The following ANKS1B variants were observed in gnomAD, a reference collection of about 807,000 sequenced individuals.
ANKS1B encodes ankyrin repeat and sterile alpha motif domain-containing protein 1B.
A neutral mutation model predicts 148.3 loss-of-function variants in ANKS1B; 36 were observed. The ratio of observed to expected loss-of-function variants is 0.24; its 90% CI spans 0.19 to 0.32. The LOEUF (loss-of-function observed/expected upper bound fraction) is 0.32, where lower values mean the gene tolerates loss of function less well. ANKS1B is among the 10% of genes least tolerant of loss of function. The pLI is 1.00. For synonymous variants in ANKS1B, 542 were observed against 560.8 expected (o/e 0.97, Z 0.47); for missense variants, 1,157 against 1,542.6 (o/e 0.75, Z 4.19).
intron 1 of ANKS1B, among the ~76,000 whole-genome samples, chr12:99,850,511 T>A (rs1313745293): frequency 1.3e-5 from 2 of 152,064 alleles, no homozygotes; most frequent in Non-Finnish European, 2.9e-5. Flanking sequence ...AAATTCTCTA[T>A]CTTCTAAACC....
chr12:99,952,942 GGTCTATAGACACTCTCTCCATT>G (rs1458075166), intron 1 of ANKS1B, among the ~76,000 whole-genome samples: 1 of 152,048 alleles, frequency 6.6e-6, no homozygotes, highest in Non-Finnish European at 1.5e-5. Flanking sequence ...GAGTTTACAT[GGTCTATAGACACTCTCTCCATT>G]TGCTTTTGGA....
At chr12:99,099,938 T>G (rs1444489240) in intron 15 of ANKS1B, 1 of 152,170 alleles carries the variant, frequency 6.6e-6, no homozygotes, top group Non-Finnish European at 1.5e-5. Flanking sequence ...TGGACTGAGC[T>G]CCACAGATTA....
intron 12 of ANKS1B, among the ~76,000 whole-genome samples, chr12:99,252,748 T>C (rs2074772705): frequency 6.6e-6 from 1 of 152,220 alleles, no homozygotes; most frequent in Non-Finnish European, 1.5e-5. Flanking sequence ...GCAGAACTTG[T>C]ACACATCTTG....
At position 99,523,580 on chromosome 12, in the gene ANKS1B, G is replaced by T. The variant is rs1295228905; in HGVS notation, c.1273-18939C>A. ...TTTTTTTTTTTTTTTTTGAGACGGA[G>T]TCTCACTCTGTTGCCCAGGCTGGAG... On this transcript the variant is annotated intron_variant, in intron 9 of 26. Transcript: ENST00000683438. Among the ~76,000 whole-genome samples the T allele has an allele frequency of 5.0e-5, 7 of 140,798 alleles. No individual in the cohort carries two copies. In the Admixed American group the frequency reaches 5.1e-4, roughly 10 times the overall value. 92.4% of individuals were successfully genotyped at this position (140,798 alleles called of 152,430 possible).
In ANKS1B at chr12:98,744,894, A is replaced by G. The variant is rs2097848833; in HGVS notation, c.*845T>C. 6.1e-6 allele frequency: 6 copies of G among 985,578 alleles called. No individual in the cohort carries two copies. The South Asian group carries it at 2.8e-4, about 46-fold the overall frequency. 61.1% of individuals were successfully genotyped at this position (985,578 alleles called of 1,614,324 possible). A position where few individuals can be genotyped will look rare whatever the true frequency, so the allele number is the denominator to read the frequency against. ...TCAGCACTTCCGGGCCTCCTGCTCT[A>G]GGGAGCATCACCAGTATTTTGCCAC... On this transcript the variant is annotated 3_prime_UTR_variant, in exon 27 of 27. Transcript: ENST00000683438.
intron 17 of ANKS1B, among the ~76,000 whole-genome samples, chr12:98,962,676 A>T (rs933843024): frequency 1.3e-5 from 2 of 152,176 alleles, no homozygotes; most frequent in African/African-American, 4.8e-5. Flanking sequence ...ATTCTCAAGG[A>T]TAGACTGTAT....
At chr12:99,379,135 G>A (rs2093530844) in intron 12 of ANKS1B, among the ~76,000 whole-genome samples, 1 of 152,184 alleles carries the variant, frequency 6.6e-6, no homozygotes, top group African/African-American at 2.4e-5. Flanking sequence ...TAAAAGGTTT[G>A]CTTCTCGAGG....
intron 15 of ANKS1B, among the ~76,000 whole-genome samples, chr12:99,146,142 T>C (rs190045485): frequency 1.3e-5 from 2 of 152,246 alleles, no homozygotes; most frequent in East Asian, 3.9e-4. Context: ...ATTTGATCAA[T>C]ATTTATTAAG....
chr12:99,706,116 CAT>C (rs1046091753), intron 8 of ANKS1B, among the ~76,000 whole-genome samples: 8 of 151,896 alleles, frequency 5.3e-5, no homozygotes, highest in African/African-American at 1.9e-4. Flanking sequence ...TCATGGAAAA[CAT>C]GTGTGTGCTT....
intron 14 of ANKS1B, among the ~76,000 whole-genome samples, chr12:99,230,476 T>C (rs556565537): frequency 1.3e-5 from 2 of 152,044 alleles, no homozygotes; most frequent in Non-Finnish European, 2.9e-5. Flanking sequence ...AACTGTACCA[T>C]TTTTAAACCA....
intron 12 of ANKS1B, among the ~76,000 whole-genome samples, chr12:99,304,885 T>C (rs2082143248): frequency 6.6e-6 from 1 of 152,124 alleles, no homozygotes; most frequent in Non-Finnish European, 1.5e-5. Flanking sequence ...TAAAAAAAGG[T>C]TAATGTATCC....
intron 17 of ANKS1B, among the ~76,000 whole-genome samples, chr12:98,945,524 A>C (rs2099844061): frequency 4.0e-5 from 6 of 150,910 alleles, no homozygotes; most frequent in Non-Finnish European, 7.4e-5. Context: ...AAAAAAAAAA[A>C]AAAAAAAAAA....
chr12:99,229,682 C>T (rs2086517289), intron 14 of ANKS1B, among the ~76,000 whole-genome samples: 1 of 151,932 alleles, frequency 6.6e-6, no homozygotes, highest in South Asian at 2.1e-4. Context: ...TTATGATGAT[C>T]TATGACTTAT....
intron 12 of ANKS1B, among the ~76,000 whole-genome samples, chr12:99,323,203 G>A (rs1280631671): frequency 6.6e-6 from 1 of 152,156 alleles, no homozygotes; most frequent in Non-Finnish European, 1.5e-5. Context: ...TTGTGTATCT[G>A]TTCTATTATG....
rs539038944 is a variant in ANKS1B at position 99,644,847 on chromosome 12, G to GT, written c.1272+10219dup. On this transcript the variant is annotated intron_variant, in intron 9 of 26. Transcript: ENST00000683438. ...GGCTCACAGGGAGAATCCACTTCCT[G>GT]TTTTTTCAGCTTCCAGAGGCCTCTT... Among the ~76,000 whole-genome samples the GT allele has an allele frequency of 3.0e-3, 450 of 152,276 alleles. 3 individuals are homozygous for GT. The highest frequency in any genetic ancestry group is 0.01 in the African/African-American group (421 of 41,558).
In ANKS1B at chr12:99,246,553, T is replaced by C. The variant is rs770387047; in HGVS notation, c.2068A>G (p.Arg690Gly). 13 of 1,613,944 alleles carry C rather than the reference T, an allele frequency of 8.1e-6. No individual in the cohort carries two copies. The Admixed American group carries it at 2.2e-4, about 27-fold the overall frequency. The part of the protein sequence containing the change: ...QLENHTIVGT[R>G]STRSGSRNGD... ...TTCCGAGATCCACTCCTGGTTGATC[T>C]TGTGCCAACAATGGTATGGTTTTCG... The change falls in exon 13 of 27, where the codon AGA becomes GGA. Residue 690 changes from arginine to glycine, a missense_variant. Physicochemically the swap from Arg to Gly is moderately radical, Grantham distance 125 (BLOSUM62 -2). Transcript: ENST00000683438.
intron 15 of ANKS1B, among the ~76,000 whole-genome samples, chr12:99,145,735 C>A (rs904439378): frequency 2.0e-5 from 3 of 152,024 alleles, no homozygotes; most frequent in Non-Finnish European, 2.9e-5. Context: ...GCTCAAGAAA[C>A]AATCACTGAA....
rs115042380 is a variant in ANKS1B, at chr12:99,823,368, A to C, written c.215+1941T>G. On this transcript the variant is annotated intron_variant, in intron 2 of 26. Coordinates refer to ENST00000683438, the MANE Select transcript of ANKS1B (RefSeq NM_001352186.2). ...TCACCCAGGCTGGAGTGCAGTCATG[A>C]GATCTCTGCTCGCTGCAACCTCTGC... Among the ~76,000 whole-genome samples, 1,106 of 152,138 alleles carry C rather than the reference A, an allele frequency of 7.3e-3. 8 individuals carry two copies. Among genetic ancestry groups the C allele is most frequent in the African/African-American group, 0.025 (1,048 of 41,514 alleles).
intron 17 of ANKS1B, among the ~76,000 whole-genome samples, chr12:99,034,634 G>A (rs1215911980): frequency 6.6e-6 from 1 of 152,160 alleles, no homozygotes; most frequent in Non-Finnish European, 1.5e-5. Context: ...AATCCGAGGA[G>A]TCATGGAGTC....
Sources: allele counts gnomAD v4.1 joint callset (sites outside exome capture counted in the v4.1 genomes callset), GRCh38; gene constraint gnomAD v4.1.1; transcripts MANE v1.5; gene names NCBI Gene and HGNC (gene_info 2026-07-23, HGNC 2026-07-21).